SLC4A1: variants seen among roughly 807,000 people sequenced by gnomAD.
The protein encoded by SLC4A1 is solute carrier family 4 member 1 (Diego blood group).
SLC4A1 carries 29 observed loss-of-function variants against 93.1 expected under a neutral mutation model. The observed-to-expected ratio is 0.31, with a 90% CI of 0.23 to 0.42. The LOEUF is 0.42. Among genes scored for constraint, SLC4A1 ranks in the 20% least tolerant of loss-of-function variants. The pLI, the probability that SLC4A1 is intolerant of heterozygous loss-of-function variation, is 1.00. For synonymous variants in SLC4A1, 469 were observed against 497.2 expected (o/e 0.94, Z 0.76); for missense variants, 965 against 1,190.1 (o/e 0.81, Z 2.78).
intron 2 of SLC4A1, 54 bp from the exon 3 acceptor site, chr17:44,262,780 G>A (rs529610130): frequency 1.9e-5 from 30 of 1,607,734 alleles, no homozygotes; most frequent in Middle Eastern, 3.3e-4. Flanking sequence ...CACCCCCAAC[G>A]AAGATAGGAG....
Position 44,249,211 on chromosome 17 carries a change from C to A in SLC4A1, c.*1247G>T, listed in dbSNP as rs1400618165. The stretch of plus-strand genomic sequence containing the variant: ...CTGATTCTGTTTCCTCCATCTCTCA[C>A]CACTTTCACGTCTTTCAACTCTTTT... On this transcript the variant is annotated 3_prime_UTR_variant, in exon 20 of 20. Coordinates refer to ENST00000262418, the MANE Select transcript of SLC4A1 (RefSeq NM_000342.4). 1 of 453,268 alleles carries A rather than the reference C, an allele frequency of 2.2e-6. No homozygotes were observed. The highest frequency in any genetic ancestry group is 7.0e-5 in the East Asian group (1 of 14,334). The allele number at this position is 453,268 out of a possible 1,614,324, so 28.1% of individuals were successfully genotyped here. A position where few individuals can be genotyped will look rare whatever the true frequency, so the allele number is the denominator to read the frequency against.
intron 14 of SLC4A1, 63 bp downstream of exon 14, chr17:44,255,610 C>CG (rs1555595706): frequency 2.8e-5 from 43 of 1,521,996 alleles, no homozygotes; most frequent in South Asian, 4.5e-5. Context: ...GAATTTGGAG[C>CG]GGGGGGGCTT....
rs757109598 is a variant in SLC4A1, at chr17:44,254,571, A to T, written c.1982T>A (p.Ile661Asn). Residue 661 changes from isoleucine to asparagine, a missense_variant, in exon 16 of 20, where the codon ATC (isoleucine) becomes AAC (asparagine). By Grantham distance (149) the Ile-to-Asn change is moderately radical (BLOSUM62 -3). Coordinates refer to ENST00000262418, the MANE Select transcript of SLC4A1 (RefSeq NM_000342.4). Reference sequence around the variant, plus strand: ...CAGGGCGGAGGCAAACATCATCCAGATGGGAAACTCGGAACGCAAGCCCAG... The same window carrying T: ...CAGGGCGGAGGCAAACATCATCCAGTTGGGAAACTCGGAACGCAAGCCCAG... ...HPLGLRSEFP[I>N]WMMFASALPA... 1 of 1,614,088 alleles carries T rather than the reference A, an allele frequency of 6.2e-7. No individual in the cohort carries two copies. The highest frequency in any genetic ancestry group is 8.5e-7 in the Non-Finnish European group (1 of 1,179,978).
intron 3 of SLC4A1, 128 bp from the exon 4 acceptor site, chr17:44,261,764 C>A: frequency 6.5e-7 from 1 of 1,532,430 alleles, no homozygotes; most frequent in Non-Finnish European, 8.9e-7. Context: ...TGGGCTGGGT[C>A]TCTGGTGCCG....
chr17:44,255,098 C>T, intron 15 of SLC4A1, 109 bp downstream of exon 15: 1 of 783,306 alleles, frequency 1.3e-6, no homozygotes, highest in East Asian at 2.7e-5. Flanking sequence ...TAGAGGTAGT[C>T]CCAGCTGGCT....
intron 1 of SLC4A1, among the ~76,000 whole-genome samples, chr17:44,265,972 T>C (rs1598305269): frequency 7.0e-6 from 1 of 142,980 alleles, no homozygotes. Context: ...AGAGCGAGAC[T>C]CCGTCTCAAA....
At chr17:44,253,460 C>G in intron 16 of SLC4A1, 89 bp from the exon 17 acceptor site, 11 of 1,520,524 alleles carry the variant, frequency 7.2e-6, no homozygotes, top group Non-Finnish European at 9.7e-6. Flanking sequence ...GTCCTTGTAG[C>G]TCAGTTTTGT....
In SLC4A1 at chr17:44,258,646, G is replaced by A; in HGVS notation, c.877-23C>T. ...CACCTAGGGGCAGGAGACAGGGTCA[G>A]AGCTGCCCGGACCTGCGGAGGGAAA... On this transcript the variant is annotated intron_variant, in intron 9 of 19. Coordinates refer to ENST00000262418, the MANE Select transcript of SLC4A1 (RefSeq NM_000342.4). The surrounding 1 kb of genome is among the most constrained non-coding windows in gnomAD (Gnocchi z 6.1). 6.4e-7 allele frequency: 1 copy of A among 1,561,740 alleles called. No individual in the cohort carries two copies. Among genetic ancestry groups the A allele is most frequent in the Non-Finnish European group, 8.7e-7 (1 of 1,154,012 alleles).
intron 13 of SLC4A1, 140 bp downstream of exon 13, chr17:44,257,210 T>G (rs1012181904): frequency 2.5e-6 from 2 of 806,110 alleles, no homozygotes; most frequent in Non-Finnish European, 4.3e-6. Context: ...CAGGCTGGTC[T>G]TGAACTCCTG....
At chr17:44,262,453 A>T (rs1442148838) in intron 3 of SLC4A1, among the ~76,000 whole-genome samples, 183 bp downstream of exon 3, 1 of 152,142 alleles carries the variant, frequency 6.6e-6, no homozygotes, top group Non-Finnish European at 1.5e-5. Context: ...CTGCTCTCCC[A>T]GCCACCTCCT....
chr17:44,260,721 A>G lies in SLC4A1; in HGVS notation c.263T>C (p.Leu88Pro). The part of the protein sequence containing the change: ...AARWVQLEEN[L>P]GENGAWGRPH... ...GCGGCCCCAGGCCCCATTCTCCCCCAGGTTCTCCTCCAGTTGCACCCAGCG... is the reference window on the plus strand; with the variant it reads ...GCGGCCCCAGGCCCCATTCTCCCCCGGGTTCTCCTCCAGTTGCACCCAGCG... The change falls in exon 5 of 20, where the codon CTG becomes CCG. Residue 88 changes from leucine to proline, a missense_variant. Leu to Pro is a moderately conservative substitution (Grantham distance 98, BLOSUM62 -3). Around this residue, in one of 2 missense-constraint regions of SLC4A1, gnomAD observed 195 missense variants for 183.5 expected, o/e 1.06. Transcript: ENST00000262418. 1 of 1,614,168 alleles carries G rather than the reference A, an allele frequency of 6.2e-7. No individual in the cohort carries two copies. Among genetic ancestry groups the G allele is most frequent in the Non-Finnish European group, 8.5e-7 (1 of 1,180,024 alleles).
At chr17:44,263,134 G>A (rs989423863) in intron 1 of SLC4A1, among the ~76,000 whole-genome samples, 200 bp from the exon 2 acceptor site, 2 of 152,186 alleles carry the variant, frequency 1.3e-5, no homozygotes, top group South Asian at 2.1e-4. Context: ...GGAGAGAGGG[G>A]CAGTGCAGGG....
rs2144625574 is a variant in SLC4A1 at position 44,262,871 on chromosome 17, T to C, written c.-5A>G. On this transcript the variant is annotated 5_prime_UTR_variant, in exon 2 of 20. Transcript: ENST00000262418. ...ACCCACCTGCAGCTCCTCCATGGCG[T>C]GGTCCTGAGTGTCCAGTTGTCTACG... is the stretch of plus-strand genomic sequence containing the variant. The C allele has an allele frequency of 6.2e-7, 1 of 1,614,156 alleles. No individual in the cohort carries two copies.
In SLC4A1 at chr17:44,251,410, G is replaced by T. The variant is rs750820385; in HGVS notation, c.2481+9C>A. 3 of 1,614,254 alleles carry T rather than the reference G, an allele frequency of 1.9e-6. No individual in the cohort carries two copies. In the African/African-American group the frequency reaches 4.0e-5, roughly 22 times the overall value. On this transcript the variant is annotated intron_variant, in intron 18 of 19. Coordinates refer to ENST00000262418, the MANE Select transcript of SLC4A1 (RefSeq NM_000342.4). ...CCCCAGGCTGGGCAGCCAGAAAAGG[G>T]TCCTGTACCCGCTTGACGTAGGGCA...
chr17:44,263,375 G>A (rs2047463975), intron 1 of SLC4A1, among the ~76,000 whole-genome samples: 2 of 152,082 alleles, frequency 1.3e-5, no homozygotes, highest in Admixed American at 1.3e-4. Flanking sequence ...GCTGCCCACC[G>A]GGCATGGGCT....
Position 44,253,189 on chromosome 17 carries a change from G to A in SLC4A1, c.2240C>T (p.Pro747Leu). The stretch of plus-strand genomic sequence containing the variant: ...CTCCTGGATCTGGGCTGCAGCCCCT[G>A]GGGTGCTGGCTTTGCCCATGACAGT... ...ALTVMGKAST[P>L]GAAAQIQEVK... The change falls in exon 17 of 20, where the codon CCA becomes CTA. Residue 747 changes from proline to leucine, a missense_variant. Pro to Leu is a moderately conservative substitution (Grantham distance 98). This residue lies in a region of SLC4A1 where 770 missense variants were observed against 1,006.6 expected (regional missense o/e 0.76). Coordinates refer to ENST00000262418, the MANE Select transcript of SLC4A1 (RefSeq NM_000342.4). The A allele has an allele frequency of 6.2e-7, 1 of 1,613,848 alleles. No individual in the cohort carries two copies. The highest frequency in any genetic ancestry group is 8.5e-7 in the Non-Finnish European group (1 of 1,180,018).
chr17:44,262,146 T>C, intron 3 of SLC4A1: 1 of 786,710 alleles, frequency 1.3e-6, no homozygotes, highest in Non-Finnish European at 1.6e-6. Flanking sequence ...GCCTCTTAAC[T>C]TTAATCCCAA....
At position 44,257,827 on chromosome 17, in the gene SLC4A1, T is replaced by A; in HGVS notation, c.1283-20A>T. The A allele has an allele frequency of 1.9e-6, 3 of 1,613,124 alleles. No individual in the cohort carries two copies. Among genetic ancestry groups the A allele is most frequent in the Non-Finnish European group, 2.5e-6 (3 of 1,179,956 alleles). The stretch of plus-strand genomic sequence containing the variant: ...TTTCTCCTGTGGGTAGAGGTCACAG[T>A]GGGATCAAGGTCAGGAGATCATTTC... On this transcript the variant is annotated intron_variant, in intron 11 of 19. Coordinates refer to ENST00000262418, the MANE Select transcript of SLC4A1 (RefSeq NM_000342.4).
chr17:44,250,464 A>G lies in SLC4A1; in HGVS notation c.2730T>C (p.Pro910=), dbSNP rs780608965. ...TAGGGCCTGGGCCCGCCCCTCACAC[A>G]GGCATGGCCACTTCGTCGTATTCAT... ...GRDEYDEVAM[P]V is the part of the protein sequence containing the mutation. The change falls in exon 20 of 20, where the codon CCT becomes CCC. Residue 910 remains proline, a synonymous_variant. Coordinates refer to ENST00000262418, the MANE Select transcript of SLC4A1 (RefSeq NM_000342.4). The G allele has an allele frequency of 7.4e-6, 12 of 1,613,340 alleles. No homozygotes were observed. In the South Asian group the frequency reaches 9.9e-5, roughly 13 times the overall value.
Sources: gnomAD v4.1 joint callset for allele counts (sites outside exome capture counted in the v4.1 genomes callset) on GRCh38, gnomAD v4.1.1 for gene constraint, gnomAD v4.1.1 regional missense constraint, Gnocchi (gnomAD v3.1) non-coding constraint, MANE v1.5 for transcripts, NCBI Gene and HGNC (gene_info 2026-07-23, HGNC 2026-07-21) for gene names.